The following CA8 variants were observed in gnomAD, a reference collection of about 807,000 sequenced individuals.
The protein encoded by CA8 is carbonic anhydrase 8 (inactive).
A neutral mutation model predicts 41.4 loss-of-function variants in CA8; 22 were observed. That is an observed-to-expected ratio of 0.53 (90% CI 0.38 to 0.76). The LOEUF (loss-of-function observed/expected upper bound fraction) is 0.76. CA8 is among the 30% of genes least tolerant of loss of function. The pLI is 0.00. For synonymous variants in CA8, 121 were observed against 130.6 expected, an observed-to-expected ratio of 0.93 and a Z score of 0.50; for missense variants, 270 against 352.8, an observed-to-expected ratio of 0.77 and a Z score of 1.88.
chr8:60,241,681 A>G, intron 3 of CA8, among the ~76,000 whole-genome samples: 1 of 152,190 alleles, frequency 6.6e-6, no homozygotes, highest in Non-Finnish European at 1.5e-5. Flanking sequence ...TAAAATCAGA[A>G]GCAATTAAAA....
intron 2 of CA8, among the ~76,000 whole-genome samples, chr8:60,266,319 T>G (rs923830503): frequency 6.6e-6 from 1 of 152,228 alleles, no homozygotes; most frequent in Non-Finnish European, 1.5e-5. Context: ...CTGTGTGTTT[T>G]CAGTCTAGAA....
intron 3 of CA8, among the ~76,000 whole-genome samples, chr8:60,259,178 A>G (rs901293234): frequency 7.2e-5 from 11 of 152,214 alleles, no homozygotes; most frequent in African/African-American, 2.7e-4. Flanking sequence ...ATGGCCACCC[A>G]GTTATGGACT....
intron 3 of CA8, among the ~76,000 whole-genome samples, chr8:60,261,044 G>C (rs1803716256): frequency 6.6e-6 from 1 of 151,972 alleles, no homozygotes; most frequent in Admixed American, 6.6e-5. Flanking sequence ...CTTTTACTAA[G>C]AGAACACTAA....
intron 8 of CA8, among the ~76,000 whole-genome samples, chr8:60,190,432 AATATATAT>A (rs57878452): frequency 0.17 from 16,811 of 98,976 alleles, 1,448 homozygotes; most frequent in East Asian, 0.28. Flanking sequence ...ATAAATGCAG[AATATATAT>A]ATATATATAT....
rs1585853646 is a variant in CA8, at chr8:60,208,893, T to C, written c.765A>G (p.Thr255=). 6.2e-7 allele frequency: 1 copy of C among 1,614,210 alleles called. No homozygotes were observed. Among genetic ancestry groups the C allele is most frequent in the East Asian group, 2.2e-5 (1 of 44,882 alleles). ...LQIEEFRRLR[T]HVKGAELVEG... The stretch of plus-strand genomic sequence containing the variant: ...CCACAAGTTCTGCCCCCTTAACATG[T>C]GTCCTCAGCCTTCGAAATTCTTCTA... Residue 255 remains threonine, a synonymous_variant, in exon 8 of 9, where the codon ACA becomes ACG. Transcript: ENST00000317995.
At chr8:60,248,973 C>T (rs920217982) in intron 3 of CA8, among the ~76,000 whole-genome samples, 1 of 152,190 alleles carries the variant, frequency 6.6e-6, no homozygotes, top group Non-Finnish European at 1.5e-5. Context: ...AGAGGCCCTT[C>T]ACTTCCCTTG....
intron 3 of CA8, among the ~76,000 whole-genome samples, chr8:60,260,726 T>G (rs1221747059): frequency 1.3e-5 from 2 of 152,230 alleles, no homozygotes; most frequent in Non-Finnish European, 2.9e-5. Flanking sequence ...CTTTTAAATC[T>G]ATATTTCTTT....
chr8:60,233,159 T>A (rs543932659), intron 3 of CA8, among the ~76,000 whole-genome samples: 1 of 152,362 alleles, frequency 6.6e-6, no homozygotes, highest in South Asian at 2.1e-4. Flanking sequence ...TAATAGTAGG[T>A]AGGTAAACCT....
At chr8:60,208,978 A>G (rs1806737982) in intron 7 of CA8, 59 bp from the exon 8 acceptor site, 1 of 1,544,906 alleles carries the variant, frequency 6.5e-7, no homozygotes, top group Non-Finnish European at 8.9e-7. Context: ...ACAAGATTGG[A>G]GTTTCATAAA....
At chr8:60,192,305 C>G (rs566401159) in intron 8 of CA8, among the ~76,000 whole-genome samples, 1 of 152,148 alleles carries the variant, frequency 6.6e-6, no homozygotes, top group African/African-American at 2.4e-5. Context: ...AGATTTTAGG[C>G]AATTTACTTG....
rs1288786709 is a variant in CA8 at position 60,265,964 on chromosome 8, A to G, written c.378T>C (p.Gly126=). The change falls in exon 3 of 9, where the codon GGT becomes GGC. Residue 126 remains glycine (G), a synonymous_variant. Coordinates refer to ENST00000317995, the MANE Select transcript of CA8 (RefSeq NM_004056.6). The part of the protein sequence containing the change: ...RFHWGRENQR[G]SEHTVNFKAF... ...CTTTGAAATTAACCGTGTGCTCAGA[A>G]CCACGCTGGTTTTCTCTTCCCCAGT... is the stretch of plus-strand genomic sequence containing the variant. The G allele has an allele frequency of 1.2e-6, 2 of 1,614,022 alleles. No homozygotes were observed. Among genetic ancestry groups the G allele is most frequent in the East Asian group, 2.2e-5 (1 of 44,888 alleles).
chr8:60,191,049 A>G (rs765074130), intron 8 of CA8, among the ~76,000 whole-genome samples: 121 of 151,342 alleles, frequency 8.0e-4, no homozygotes, highest in Admixed American at 3.2e-3. Flanking sequence ...GAAAATATTT[A>G]TAATGCTGGG....
At chr8:60,258,826 G>A (rs1803640869) in intron 3 of CA8, among the ~76,000 whole-genome samples, 2 of 152,140 alleles carry the variant, frequency 1.3e-5, no homozygotes, top group Admixed American at 1.3e-4. Context: ...TGCCACCGCT[G>A]ATCCAACAGG....
intron 7 of CA8, among the ~76,000 whole-genome samples, chr8:60,214,098 C>A (rs10100434): frequency 0.37 from 55,652 of 151,940 alleles, 10,611 homozygotes; most frequent in Admixed American, 0.44. Flanking sequence ...AAAACCATGG[C>A]TGTCTTCGTC....
chr8:60,215,942 T>C (rs1807006034), intron 7 of CA8, among the ~76,000 whole-genome samples: 1 of 152,210 alleles, frequency 6.6e-6, no homozygotes, highest in Admixed American at 6.5e-5. Flanking sequence ...CTTTCCACAA[T>C]AATATTCAGC....
intron 2 of CA8, among the ~76,000 whole-genome samples, chr8:60,276,270 G>A (rs932975070): frequency 6.6e-6 from 1 of 152,166 alleles, no homozygotes; most frequent in African/African-American, 2.4e-5. Flanking sequence ...GGACTTCCCA[G>A]GCTTGAGGTC....
chr8:60,268,756 T>G (rs979911819), intron 2 of CA8, among the ~76,000 whole-genome samples: 1 of 152,188 alleles, frequency 6.6e-6, no homozygotes, highest in African/African-American at 2.4e-5. Flanking sequence ...AGATCTTACA[T>G]TCTATTATCC....
chr8:60,256,007 C>A (rs1015683131), intron 3 of CA8, among the ~76,000 whole-genome samples: 1 of 151,076 alleles, frequency 6.6e-6, no homozygotes, highest in African/African-American at 2.4e-5. Flanking sequence ...CTCCCGGGTT[C>A]AAGCGATTCT....
intron 3 of CA8, among the ~76,000 whole-genome samples, chr8:60,234,903 T>C (rs910864041): frequency 1.9e-4 from 29 of 152,106 alleles, no homozygotes; most frequent in Non-Finnish European, 3.8e-4. Context: ...ACAGACCCCC[T>C]TTCTACACCA....
Sources: allele counts gnomAD v4.1 joint callset (sites outside exome capture counted in the v4.1 genomes callset), GRCh38; gene constraint gnomAD v4.1.1; transcripts MANE v1.5; gene names NCBI Gene and HGNC (gene_info 2026-07-23, HGNC 2026-07-21).